The following YEATS2 variants were observed in gnomAD, a reference collection of about 807,000 sequenced individuals.
YEATS2 encodes the protein YEATS domain containing 2.
A neutral mutation model predicts 163.2 loss-of-function variants in YEATS2; 77 were observed. The ratio of observed to expected loss-of-function variants is 0.47; its 90% CI spans 0.39 to 0.57. The LOEUF (loss-of-function observed/expected upper bound fraction) is 0.57. Among genes scored for constraint, YEATS2 ranks in the 20% least tolerant of loss-of-function variants. YEATS2 has a pLI of 0.00. For missense variants in YEATS2, 1,549 were observed against 1,729.8 expected (o/e 0.90, Z 1.85); for synonymous variants, 631 against 645.1 (o/e 0.98, Z 0.33).
At chr3:183,709,014 G>C (rs1473912140) in intron 1 of YEATS2, among the ~76,000 whole-genome samples, 4 of 152,038 alleles carry the variant, frequency 2.6e-5, no homozygotes, top group African/African-American at 9.7e-5. Flanking sequence ...AAAAAAATGA[G>C]CTGAGAGTGG....
chr3:183,791,399 G>T (rs772127359), intron 21 of YEATS2, among the ~76,000 whole-genome samples: 1 of 152,178 alleles, frequency 6.6e-6, no homozygotes, highest in African/African-American at 2.4e-5. Context: ...TAACCCAGCA[G>T]CATTTTCTGA....
intron 4 of YEATS2, among the ~76,000 whole-genome samples, chr3:183,719,540 C>G (rs1188636306): frequency 6.6e-6 from 1 of 152,224 alleles, no homozygotes; most frequent in African/African-American, 2.4e-5. Flanking sequence ...TAGTGCCTCA[C>G]TTGATTGTGG....
rs766054789 is a variant in YEATS2, at chr3:183,810,476, A to T, written c.4162A>T (p.Ile1388Phe). The T allele has an allele frequency of 2.5e-6, 4 of 1,613,658 alleles. No individual in the cohort carries two copies. The highest frequency in any genetic ancestry group is 3.4e-6 in the Non-Finnish European group (4 of 1,179,652). ...VGYQTASHNR[I>F]PKEITVSNIH... Reference sequence around the variant, plus strand: ...AACACCCTTTGTTTTTTGGACCAGGATTCCCAAAGAAATTACAGTGAGTAA... The same window carrying T: ...AACACCCTTTGTTTTTTGGACCAGGTTTCCCAAAGAAATTACAGTGAGTAA... Residue 1388 changes from isoleucine (I) to phenylalanine (F), a missense_variant and splice_region_variant, in exon 31 of 31, where the codon ATT becomes TTT. Ile to Phe is a conservative substitution (Grantham distance 21). Coordinates refer to ENST00000305135, the MANE Select transcript of YEATS2 (RefSeq NM_018023.5).
At position 183,704,145 on chromosome 3, in the gene YEATS2, C is replaced by T. The variant is rs1324548365; in HGVS notation, c.-20+6152C>T. Among the ~76,000 whole-genome samples the T allele has an allele frequency of 4.2e-5, 6 of 142,412 alleles. No individual in the cohort carries two copies. In the East Asian group the frequency reaches 1.1e-3, roughly 25 times the overall value. The allele number at this position is 142,412 out of a possible 152,430, so 93.4% of individuals were successfully genotyped here. On this transcript the variant is annotated intron_variant, in intron 1 of 30. Transcript: ENST00000305135. ...CAGCTTGGGCAACAGAGTGAGACTC[C>T]ATCTCAAAAAAAAAAAAAAAGCTTC...
At chr3:183,795,208 A>G (rs1577209144) in intron 21 of YEATS2, among the ~76,000 whole-genome samples, 1 of 151,686 alleles carries the variant, frequency 6.6e-6, no homozygotes, top group South Asian at 2.1e-4. Flanking sequence ...AGAATAAACC[A>G]TCTACCCTAA....
intron 21 of YEATS2, chr3:183,793,613 T>G (rs75932303): frequency 1.3e-5 from 3 of 230,368 alleles, no homozygotes; most frequent in African/African-American, 7.6e-5. Flanking sequence ...TTCTTTCTTT[T>G]TTTTTTTTTT....
At chr3:183,798,862 T>C in intron 22 of YEATS2, 29 bp from the exon 23 acceptor site, 2 of 1,537,154 alleles carry the variant, frequency 1.3e-6, no homozygotes, top group Non-Finnish European at 1.8e-6. Context: ...TTGTATTTGT[T>C]ATATCCCTCC....
Position 183,762,158 on chromosome 3 carries a change from A to T in YEATS2, c.1826A>T (p.Gln609Leu). Residue 609 changes from glutamine to leucine, a missense_variant, in exon 15 of 31, where the codon CAG (glutamine) becomes CTG (leucine). Coordinates refer to ENST00000305135, the MANE Select transcript of YEATS2 (RefSeq NM_018023.5). The part of the protein sequence containing the change: ...PHVPATGAAS[Q>L]SPLPQYVTVK... ...GTGCCCGCAACAGGAGCTGCCAGCC[A>T]GTCACCACTCCCGCAGTATGTGACT... is the stretch of plus-strand genomic sequence containing the variant. 6.2e-7 allele frequency: 1 copy of T among 1,614,182 alleles called. No individual in the cohort carries two copies. Among genetic ancestry groups the T allele is most frequent in the Non-Finnish European group, 8.5e-7 (1 of 1,180,014 alleles).
chr3:183,714,476 G>A (rs1022818291), intron 1 of YEATS2, among the ~76,000 whole-genome samples: 2 of 151,730 alleles, frequency 1.3e-5, no homozygotes, highest in Non-Finnish European at 2.9e-5. Context: ...GATTACAGGC[G>A]TGAGCCACCG....
chr3:183,778,095 G>C lies in YEATS2; in HGVS notation c.2736+395G>C, dbSNP rs1723180103. On this transcript the variant is annotated intron_variant, in intron 19 of 30. Coordinates refer to ENST00000305135, the MANE Select transcript of YEATS2 (RefSeq NM_018023.5). ...CCATTGCACTCCATCCTGGGCGACA[G>C]AGCAAGATTCTGTCTCAAAAAAAAA... is the stretch of plus-strand genomic sequence containing the variant. Among the ~76,000 whole-genome samples, 3 of 122,920 alleles carry C rather than the reference G, an allele frequency of 2.4e-5. No individual in the cohort carries two copies. In the South Asian group the frequency reaches 7.6e-4, roughly 31 times the overall value. 80.6% of individuals were successfully genotyped at this position (122,920 alleles called of 152,430 possible).
At chr3:183,752,427 C>T (rs963492641) in intron 10 of YEATS2, among the ~76,000 whole-genome samples, 174 bp downstream of exon 10, 3 of 151,938 alleles carry the variant, frequency 2.0e-5, no homozygotes, top group Non-Finnish European at 4.4e-5. Flanking sequence ...AATATTTTTC[C>T]GGCCGGGAGC....
intron 24 of YEATS2, 103 bp from the exon 25 acceptor site, chr3:183,801,352 C>A: frequency 1.4e-6 from 1 of 705,874 alleles, no homozygotes. Context: ...ATTATAATTC[C>A]CTCAGAACGG....
Position 183,790,839 on chromosome 3 carries a change from G to A in YEATS2, c.2956G>A (p.Val986Ile). 1 of 1,614,180 alleles carries A rather than the reference G, an allele frequency of 6.2e-7. No homozygotes were observed. The highest frequency in any genetic ancestry group is 8.5e-7 in the Non-Finnish European group (1 of 1,180,032). Reference sequence around the variant, plus strand: ...CGTGTCTTCATCTACGGTCAGTTCTGTAACGAAAACTTCTGGGCAGCAGCA... The same window carrying A: ...CGTGTCTTCATCTACGGTCAGTTCTATAACGAAAACTTCTGGGCAGCAGCA... ...APVSSSTVSS[V>I]TKTSGQQQVC... Residue 986 changes from valine (V) to isoleucine (I), a missense_variant, in exon 21 of 31, where the codon GTA becomes ATA. Coordinates refer to ENST00000305135, the MANE Select transcript of YEATS2 (RefSeq NM_018023.5).
intron 15 of YEATS2, among the ~76,000 whole-genome samples, chr3:183,763,805 C>T (rs889082867): frequency 6.6e-6 from 1 of 152,088 alleles, no homozygotes; most frequent in Non-Finnish European, 1.5e-5. Flanking sequence ...TGGCTCACAC[C>T]TGTGAGCCAC....
intron 1 of YEATS2, among the ~76,000 whole-genome samples, chr3:183,700,545 C>G (rs1249985269): frequency 6.6e-6 from 1 of 151,742 alleles, no homozygotes; most frequent in Non-Finnish European, 1.5e-5. Context: ...GCAGTTTTCT[C>G]ACAGAAAACA....
intron 21 of YEATS2, among the ~76,000 whole-genome samples, chr3:183,795,483 T>A (rs1814976): frequency 0.045 from 5,513 of 123,702 alleles, 376 homozygotes; most frequent in African/African-American, 0.13. Flanking sequence ...TTTTTTTTTT[T>A]AGAGACGGGG....
rs148763192 is a variant in YEATS2 at position 183,722,103 on chromosome 3, C to G, written c.504C>G (p.Asn168Lys). The G allele has an allele frequency of 1.2e-6, 2 of 1,613,944 alleles. No homozygotes were observed. Among genetic ancestry groups the G allele is most frequent in the Non-Finnish European group, 8.5e-7 (1 of 1,180,008 alleles). The change falls in exon 5 of 31, where the codon AAC becomes AAG. Residue 168 changes from asparagine (N) to lysine (K), a missense_variant. Coordinates refer to ENST00000305135, the MANE Select transcript of YEATS2 (RefSeq NM_018023.5). The stretch of plus-strand genomic sequence containing the variant: ...ATATAGAGGAAAGACTCTCAAACAA[C>G]ATGGAGCAGAGACCAAGCCGAAATA... ...NMDIEERLSN[N>K]MEQRPSRNTG...
chr3:183,773,874 T>C, intron 17 of YEATS2, 80 bp downstream of exon 17: 6 of 1,464,596 alleles, frequency 4.1e-6, no homozygotes, highest in Non-Finnish European at 4.5e-6. Context: ...GGGCAGTTCT[T>C]ACCTGTTTCA....
At chr3:183,759,225 A>G (rs1486032334) in intron 13 of YEATS2, among the ~76,000 whole-genome samples, 1 of 152,176 alleles carries the variant, frequency 6.6e-6, no homozygotes, top group Non-Finnish European at 1.5e-5. Context: ...ATTTCATAAA[A>G]TGGAATCTTC....
Sources: gnomAD v4.1 joint callset for allele counts (sites outside exome capture counted in the v4.1 genomes callset) on GRCh38, gnomAD v4.1.1 for gene constraint, MANE v1.5 for transcripts, NCBI Gene and HGNC (gene_info 2026-07-23, HGNC 2026-07-21) for gene names.